Variants in MTERF3 observed in about 807,000 individuals in gnomAD.
MTERF3 encodes the protein transcription termination factor 3, mitochondrial.
MTERF3 carries 40 observed loss-of-function variants against 40.5 expected under a neutral mutation model. The observed-to-expected ratio is 0.99, with a 90% CI of 0.77 to 1.29. MTERF3 has a LOEUF of 1.29. MTERF3 is among the 50% of genes most tolerant of loss of function. MTERF3 has a pLI of 0.00. For missense variants in MTERF3, 452 were observed against 478.2 expected (o/e 0.95, Z 0.51); for synonymous variants, 158 against 166.6 (o/e 0.95, Z 0.40).
At chr8:96,247,977 AAAC>A (rs1476487490) in intron 4 of MTERF3, among the ~76,000 whole-genome samples, 3 of 152,244 alleles carry the variant, frequency 2.0e-5, no homozygotes, top group African/African-American at 7.2e-5. Flanking sequence ...AAGATGCTCC[AAAC>A]AACATTCCAT....
At chr8:96,242,778 C>T (rs1031913454) in intron 7 of MTERF3, among the ~76,000 whole-genome samples, 1 of 152,190 alleles carries the variant, frequency 6.6e-6, no homozygotes, top group Non-Finnish European at 1.5e-5. Context: ...TTAAACCTGT[C>T]TTCCACACTC....
intron 4 of MTERF3, among the ~76,000 whole-genome samples, chr8:96,249,000 G>A (rs1441595204): frequency 2.0e-5 from 3 of 152,140 alleles, no homozygotes; most frequent in Non-Finnish European, 2.9e-5. Context: ...ATGTTCTACA[G>A]CTTAATTTGA....
chr8:96,258,442 G>T lies in MTERF3; in HGVS notation c.249C>A (p.Ala83=), dbSNP rs147750051. 1 of 1,613,964 alleles carries T rather than the reference G, an allele frequency of 6.2e-7. No homozygotes were observed. The highest frequency in any genetic ancestry group is 8.5e-7 in the Non-Finnish European group (1 of 1,179,984). The change falls in exon 2 of 8, where the codon GCC becomes GCA. Residue 83 remains alanine (A), a synonymous_variant. Coordinates refer to ENST00000287025, the MANE Select transcript of MTERF3 (RefSeq NM_015942.5). ...TSSSSQENNS[A]QSSLLPSMNE... is the part of the protein sequence containing the mutation. ...TCATGGAAGGAAGCAGACTGCTTTG[G>T]GCAGAATTATTCTCCTGACTACTTG...
At chr8:96,251,202 G>A in intron 3 of MTERF3, 107 bp from the exon 4 acceptor site, 1 of 787,294 alleles carries the variant, frequency 1.3e-6, no homozygotes, top group South Asian at 2.3e-5. Context: ...CCTATCCAAA[G>A]GAGCACTGAG....
chr8:96,253,538 G>A (rs1283171452), intron 3 of MTERF3, among the ~76,000 whole-genome samples: 1 of 152,034 alleles, frequency 6.6e-6, no homozygotes, highest in Non-Finnish European at 1.5e-5. Flanking sequence ...GAAGCAAACA[G>A]AGAAAAAACT....
chr8:96,242,403 C>G (rs1026580241), intron 7 of MTERF3, among the ~76,000 whole-genome samples: 1 of 152,168 alleles, frequency 6.6e-6, no homozygotes, highest in Non-Finnish European at 1.5e-5. Context: ...ACACCACTCC[C>G]TCTTCTACAG....
rs1232603624 is a variant in MTERF3 at position 96,258,715 on chromosome 8, T to G, written c.-10-15A>C. 2 of 1,513,982 alleles carry G rather than the reference T, an allele frequency of 1.3e-6. No individual in the cohort carries two copies. Among genetic ancestry groups the G allele is most frequent in the South Asian group, 1.3e-5 (1 of 79,858 alleles). 93.8% of individuals were successfully genotyped at this position (1,513,982 alleles called of 1,614,324 possible). On this transcript the variant is annotated splice_polypyrimidine_tract_variant and intron_variant, in intron 1 of 7. Coordinates refer to ENST00000287025, the MANE Select transcript of MTERF3 (RefSeq NM_015942.5). Reference sequence around the variant, plus strand: ...TTTTTCTTAGTCTACAAAGGAAAGATATAACCGTCAAAAGAAGAGAAATTT... The same window carrying G: ...TTTTTCTTAGTCTACAAAGGAAAGAGATAACCGTCAAAAGAAGAGAAATTT...
At chr8:96,240,827 A>G (rs1809914041) in intron 7 of MTERF3, among the ~76,000 whole-genome samples, 1 of 152,184 alleles carries the variant, frequency 6.6e-6, no homozygotes, top group Admixed American at 6.5e-5. Flanking sequence ...CTCTTTCCCT[A>G]TATTCAAGTG....
chr8:96,250,148 G>A (rs1810097452), intron 4 of MTERF3, among the ~76,000 whole-genome samples: 1 of 151,958 alleles, frequency 6.6e-6, no homozygotes, highest in South Asian at 2.1e-4. Context: ...TGCTCCTTAA[G>A]AAGAAAACAA....
chr8:96,240,024 G>T (rs2129859475), intron 7 of MTERF3, among the ~76,000 whole-genome samples: 1 of 152,320 alleles, frequency 6.6e-6, no homozygotes, highest in South Asian at 2.1e-4. Context: ...GAGGCAGGCG[G>T]ATCATCTGAG....
intron 4 of MTERF3, among the ~76,000 whole-genome samples, chr8:96,250,658 A>AGAAAGAAGAAAGAAGAAAGAAGAAAGAAG (rs1810149083): frequency 2.6e-5 from 1 of 38,616 alleles, no homozygotes; most frequent in Non-Finnish European, 5.5e-5. Context: ...AAGAAGAAGA[A>AGAAAGAAGAAAGAAGAAAGAAGAAAGAAG]GAAGAAGAAG....
intron 1 of MTERF3, among the ~76,000 whole-genome samples, chr8:96,259,928 G>T (rs1810350541): frequency 6.6e-6 from 1 of 150,382 alleles, no homozygotes; most frequent in African/African-American, 2.5e-5. Flanking sequence ...TTTTGAGACG[G>T]AGTTTCGCCC....
chr8:96,250,683 G>GAAGAAGAAGAAGAAGAA lies in MTERF3; in HGVS notation c.677+222_677+223insTTCTTCTTCTTCTTCTT, dbSNP rs1479466031. On this transcript the variant is annotated intron_variant, in intron 4 of 7. Coordinates refer to ENST00000287025, the MANE Select transcript of MTERF3 (RefSeq NM_015942.5). ...AGAAGAAGAAGAAGAAGAAGAAGAA[G>GAAGAAGAAGAAGAAGAA]GAGGAGGAGGAGGGGGGGAGGGGGA... 1.2e-4 allele frequency among the ~76,000 whole-genome samples: 7 copies of GAAGAAGAAGAAGAAGAA among 58,864 alleles called. 2 individuals are homozygous for GAAGAAGAAGAAGAAGAA. Among genetic ancestry groups the GAAGAAGAAGAAGAAGAA allele is most frequent in the Non-Finnish European group, 2.2e-4 (6 of 27,098 alleles). The allele number at this position is 58,864 out of a possible 152,430, so 38.6% of individuals were successfully genotyped here. A position where few individuals can be genotyped will look rare whatever the true frequency, so the allele number is the denominator to read the frequency against.
chr8:96,244,219 C>A (rs561889115), intron 6 of MTERF3, 139 bp from the exon 7 acceptor site: 36 of 634,664 alleles, frequency 5.7e-5, no homozygotes, highest in African/African-American at 4.3e-4. Context: ...GCATGATCTC[C>A]TGCCTCAGTC....
chr8:96,242,512 T>C (rs1423845271), intron 7 of MTERF3, among the ~76,000 whole-genome samples: 1 of 152,214 alleles, frequency 6.6e-6, no homozygotes, highest in Non-Finnish European at 1.5e-5. Context: ...ACCTTGTTAC[T>C]TGGGTAACCT....
intron 5 of MTERF3, 64 bp downstream of exon 5, chr8:96,246,243 G>A: frequency 6.9e-7 from 1 of 1,442,132 alleles, no homozygotes; most frequent in Non-Finnish European, 9.3e-7. Context: ...CTGGGAACAT[G>A]AGATCTATCA....
intron 4 of MTERF3, 116 bp from the exon 5 acceptor site, chr8:96,246,570 TA>T: frequency 4.8e-6 from 4 of 838,200 alleles, no homozygotes; most frequent in Non-Finnish European, 5.1e-6. Flanking sequence ...TCCCACACCC[TA>T]AATTACTAAC....
At chr8:96,250,618 A>G (rs997235986) in intron 4 of MTERF3, among the ~76,000 whole-genome samples, 29 of 12,134 alleles carry the variant, frequency 2.4e-3, no homozygotes, top group East Asian at 0.023. Flanking sequence ...GCTGAGGCAG[A>G]AGAAGAAGAA....
intron 3 of MTERF3, among the ~76,000 whole-genome samples, chr8:96,251,798 C>G (rs1401550256): frequency 6.6e-6 from 1 of 152,080 alleles, no homozygotes; most frequent in Admixed American, 6.6e-5. Flanking sequence ...TTATTAGAAC[C>G]AAATATAATT....
Sources: allele counts gnomAD v4.1 joint callset (sites outside exome capture counted in the v4.1 genomes callset), GRCh38; gene constraint gnomAD v4.1.1; transcripts MANE v1.5; gene names NCBI Gene and HGNC (gene_info 2026-07-23, HGNC 2026-07-21).